KDELR2: variants seen among roughly 807,000 people sequenced by gnomAD.
The protein encoded by KDELR2 is KDEL endoplasmic reticulum protein retention receptor 2.
Under a neutral mutation model 23.9 loss-of-function variants are expected in KDELR2, and 15 were observed. That is an observed-to-expected ratio of 0.63 (90% CI 0.42 to 0.97). The LOEUF (loss-of-function observed/expected upper bound fraction) is 0.97. Among genes scored for constraint, KDELR2 ranks in the 50% least tolerant of loss-of-function variants. The probability of loss-of-function intolerance (pLI) is 0.00; values close to 1 mark genes in which losing one functional copy is unlikely to be tolerated. For synonymous variants in KDELR2, 119 were observed against 106.2 expected, an observed-to-expected ratio of 1.12 and a Z score of -0.74; for missense variants, 272 against 254.6, an observed-to-expected ratio of 1.07 and a Z score of -0.46.
In KDELR2 at chr7:6,462,026, C is replaced by T. The variant is rs1278697304; in HGVS notation, c.*1115G>A. 6.6e-6 allele frequency: 1 copy of T among 152,122 alleles called. No individual in the cohort carries two copies. Among genetic ancestry groups the T allele is most frequent in the Non-Finnish European group, 1.5e-5 (1 of 68,028 alleles). The allele number at this position is 152,122 out of a possible 1,614,324, so 9.4% of individuals were successfully genotyped here. A position where few individuals can be genotyped will look rare whatever the true frequency, so the allele number is the denominator to read the frequency against. On this transcript the variant is annotated 3_prime_UTR_variant, in exon 5 of 5. Coordinates refer to ENST00000258739, the MANE Select transcript of KDELR2 (RefSeq NM_006854.4). The stretch of plus-strand genomic sequence containing the variant: ...CTAATTCATAAAAAGACAATTTATT[C>T]CATGTTTAATATAGTGTTTTTTAGG...
chr7:6,482,708 G>GAAAAAATT (rs2115336604), intron 1 of KDELR2: 2 of 285,504 alleles, frequency 7.0e-6, no homozygotes, highest in African/African-American at 4.5e-5. Flanking sequence ...TACTGCCTCT[G>GAAAAAATT]AAAAAATTAA....
chr7:6,463,272 A>T (rs143994754), intron 4 of KDELR2, 97 bp from the exon 5 acceptor site: 2 of 901,946 alleles, frequency 2.2e-6, no homozygotes, highest in Non-Finnish European at 3.5e-6. Flanking sequence ...CACACACAAG[A>T]TTCTACATAG....
intron 1 of KDELR2, among the ~76,000 whole-genome samples, chr7:6,483,074 A>G (rs1407280024): frequency 6.6e-6 from 1 of 152,124 alleles, no homozygotes; most frequent in Non-Finnish European, 1.5e-5. Context: ...GTAAAAGTCC[A>G]AAACTATTAT....
intron 4 of KDELR2, among the ~76,000 whole-genome samples, chr7:6,465,448 G>C (rs1001545809): frequency 4.0e-5 from 6 of 150,764 alleles, no homozygotes; most frequent in African/African-American, 7.3e-5. Context: ...CTCCCAAAGT[G>C]CTCGATTACA....
At chr7:6,466,646 G>A (rs184560792) in intron 3 of KDELR2, among the ~76,000 whole-genome samples, 24 of 151,810 alleles carry the variant, frequency 1.6e-4, no homozygotes, top group East Asian at 7.7e-4. Context: ...TATACAACTC[G>A]TCATAATGCA....
chr7:6,471,740 T>C (rs1785647702), intron 2 of KDELR2, among the ~76,000 whole-genome samples: 1 of 152,162 alleles, frequency 6.6e-6, no homozygotes, highest in African/African-American at 2.4e-5. Flanking sequence ...GTTTGTTTAT[T>C]CACTCACCAG....
intron 4 of KDELR2, among the ~76,000 whole-genome samples, chr7:6,465,315 CTG>C (rs1785480050): frequency 6.6e-6 from 1 of 151,468 alleles, no homozygotes; most frequent in South Asian, 2.1e-4. Context: ...TCCCGAGTAA[CTG>C]GGACTACAGG....
chr7:6,468,728 T>C (rs1325854224), intron 3 of KDELR2, among the ~76,000 whole-genome samples: 1 of 151,610 alleles, frequency 6.6e-6, no homozygotes, highest in Non-Finnish European at 1.5e-5. Context: ...ATGGTCTCAA[T>C]CCCTTGACTT....
intron 4 of KDELR2, among the ~76,000 whole-genome samples, chr7:6,464,867 C>T (rs960676971): frequency 1.3e-4 from 20 of 151,546 alleles, no homozygotes; most frequent in African/African-American, 4.8e-4. Context: ...CCCCAAGTAG[C>T]TGGGATTACA....
intron 3 of KDELR2, 82 bp downstream of exon 3, chr7:6,469,514 G>C (rs1183833514): frequency 5.8e-6 from 8 of 1,368,944 alleles, no homozygotes; most frequent in Non-Finnish European, 8.1e-6. Flanking sequence ...AGTGGAGGCT[G>C]AACTCCGCCT....
intron 3 of KDELR2, among the ~76,000 whole-genome samples, 194 bp downstream of exon 3, chr7:6,469,402 C>T (rs1017407026): frequency 3.9e-5 from 6 of 152,108 alleles, no homozygotes; most frequent in African/African-American, 1.4e-4. Context: ...ATTACAGGTG[C>T]GTGCCACCAC....
At chr7:6,469,354 C>G (rs905453039) in intron 3 of KDELR2, among the ~76,000 whole-genome samples, 59 of 152,114 alleles carry the variant, frequency 3.9e-4, no homozygotes, top group African/African-American at 1.4e-3. Context: ...CTCCTGGGTT[C>G]AAGTGATTCT....
chr7:6,464,259 G>A (rs1785452697), intron 4 of KDELR2, among the ~76,000 whole-genome samples: 2 of 122,692 alleles, frequency 1.6e-5, no homozygotes, highest in South Asian at 3.0e-4. Context: ...GGTGGCTCAC[G>A]CCTGTAATCC....
At chr7:6,465,333 A>G (rs1344140892) in intron 4 of KDELR2, among the ~76,000 whole-genome samples, 1 of 151,442 alleles carries the variant, frequency 6.6e-6, no homozygotes, top group African/African-American at 2.4e-5. Context: ...ACAGGCGCCC[A>G]CCACCACGCC....
At chr7:6,464,626 A>C (rs1439313282) in intron 4 of KDELR2, among the ~76,000 whole-genome samples, 1 of 152,026 alleles carries the variant, frequency 6.6e-6, no homozygotes, top group Non-Finnish European at 1.5e-5. Context: ...TGGGAGGCAG[A>C]GGTTGCAGTG....
intron 2 of KDELR2, among the ~76,000 whole-genome samples, chr7:6,472,077 G>C (rs1785658056): frequency 6.6e-6 from 1 of 152,134 alleles, no homozygotes; most frequent in African/African-American, 2.4e-5. Context: ...ATTTTTAGTA[G>C]AGATGGGGTT....
At chr7:6,466,456 A>C in intron 3 of KDELR2, 133 bp from the exon 4 acceptor site, 1 of 1,067,188 alleles carries the variant, frequency 9.4e-7, no homozygotes. Flanking sequence ...AAAATAGAAC[A>C]ACAGCTTGGC....
At chr7:6,471,542 C>T (rs1209368130) in intron 2 of KDELR2, among the ~76,000 whole-genome samples, 2 of 152,110 alleles carry the variant, frequency 1.3e-5, no homozygotes, top group Admixed American at 6.5e-5. Flanking sequence ...GCTGTAGGAA[C>T]TTAACTCTTA....
At chr7:6,467,950 G>A (rs1246176108) in intron 3 of KDELR2, among the ~76,000 whole-genome samples, 2 of 152,178 alleles carry the variant, frequency 1.3e-5, no homozygotes, top group Non-Finnish European at 2.9e-5. Context: ...AAGGCAAGAG[G>A]TGCAGAGTGC....
Sources: allele counts gnomAD v4.1 joint callset (sites outside exome capture counted in the v4.1 genomes callset), GRCh38; gene constraint gnomAD v4.1.1; transcripts MANE v1.5; gene names NCBI Gene and HGNC (gene_info 2026-07-23, HGNC 2026-07-21).